Variants in SCMH1 observed in about 807,000 individuals in gnomAD.
SCMH1 encodes the protein Scm polycomb group protein homolog 1, also known as polycomb protein SCMH1.
In SCMH1, 37 loss-of-function variants were observed where a neutral mutation model predicts 70.8. The observed-to-expected ratio is 0.52, with a 90% CI of 0.40 to 0.69. SCMH1 has a LOEUF of 0.69. SCMH1 is among the 30% of genes least tolerant of loss of function. The pLI, the probability that SCMH1 is intolerant of heterozygous loss-of-function variation, is 0.00. For missense variants in SCMH1, 607 were observed against 827.3 expected (o/e 0.73, Z 3.27); for synonymous variants, 292 against 307.4 (o/e 0.95, Z 0.52).
chr1:41,069,259 G>A (rs2148866201), intron 10 of SCMH1, among the ~76,000 whole-genome samples: 3 of 152,236 alleles, frequency 2.0e-5, no homozygotes, highest in Admixed American at 2.0e-4. Flanking sequence ...ATGTGTGGGT[G>A]GATAAGGGGC....
chr1:41,074,352 C>T (rs1657517036), intron 9 of SCMH1, among the ~76,000 whole-genome samples: 1 of 152,088 alleles, frequency 6.6e-6, no homozygotes, highest in Non-Finnish European at 1.5e-5. Flanking sequence ...TTAGAAAAAT[C>T]ATTTTACATC....
chr1:41,202,333 CTTT>C (rs111943685), intron 1 of SCMH1, among the ~76,000 whole-genome samples: 1 of 144,996 alleles, frequency 6.9e-6, no homozygotes, highest in Non-Finnish European at 1.5e-5. Flanking sequence ...CGTGCCCAGC[CTTT>C]TTTTTTTTTC....
At chr1:41,211,987 CG>C (rs1657132651) in intron 1 of SCMH1, among the ~76,000 whole-genome samples, 1 of 151,956 alleles carries the variant, frequency 6.6e-6, no homozygotes, top group Non-Finnish European at 1.5e-5. Context: ...GGATACAGGG[CG>C]GGGAACATGA....
At chr1:41,197,622 G>A (rs1653337171) in intron 1 of SCMH1, among the ~76,000 whole-genome samples, 1 of 152,008 alleles carries the variant, frequency 6.6e-6, no homozygotes, top group Non-Finnish European at 1.5e-5. Flanking sequence ...TAATGGTGCA[G>A]GCTACACACA....
At chr1:41,157,409 AG>A (rs1464024281) in intron 4 of SCMH1, among the ~76,000 whole-genome samples, 3 of 152,158 alleles carry the variant, frequency 2.0e-5, no homozygotes, top group African/African-American at 7.2e-5. Context: ...CATAGATTCT[AG>A]GAGTTCTTTG....
At chr1:41,139,283 G>T (rs763941429) in intron 6 of SCMH1, among the ~76,000 whole-genome samples, 1 of 152,032 alleles carries the variant, frequency 6.6e-6, no homozygotes, top group African/African-American at 2.4e-5. Context: ...GCTCTGTTAG[G>T]CCCCCATTGT....
At chr1:41,159,822 G>A in intron 4 of SCMH1, 1 of 1,455,184 alleles carries the variant, frequency 6.9e-7, no homozygotes, top group East Asian at 2.6e-5. Flanking sequence ...TAAAGTCTGA[G>A]TATAGCCGCT....
rs560744181 is a variant in SCMH1 at position 41,164,508 on chromosome 1, T to G, written c.14-3076A>C. Among the ~76,000 whole-genome samples the G allele has an allele frequency of 2.6e-5, 4 of 152,310 alleles. No individual in the cohort carries two copies. The South Asian group carries it at 8.3e-4, about 32-fold the overall frequency. ...GACCCTTCCACTTATTTCACGACGG[T>G]AGAGACTTGATCTTGTTTAGTGGTG... On this transcript the variant is annotated intron_variant, in intron 2 of 14. Transcript: ENST00000337495.
intron 8 of SCMH1, among the ~76,000 whole-genome samples, chr1:41,107,285 C>T (rs963657248): frequency 4.0e-5 from 6 of 151,848 alleles, no homozygotes; most frequent in Admixed American, 3.9e-4. Context: ...TTTATTCCTC[C>T]AAAGTCGTAC....
intron 5 of SCMH1, among the ~76,000 whole-genome samples, chr1:41,150,608 G>T (rs1353260780): frequency 6.6e-6 from 1 of 152,096 alleles, no homozygotes; most frequent in Admixed American, 6.5e-5. Context: ...CAAATGAGCA[G>T]AAGTCCTGAA....
At chr1:41,058,104 G>C (rs1244216330) in intron 10 of SCMH1, among the ~76,000 whole-genome samples, 1 of 141,184 alleles carries the variant, frequency 7.1e-6, no homozygotes, top group African/African-American at 2.6e-5. Flanking sequence ...CTGAGAGACA[G>C]AGGGAGATTG....
At chr1:41,110,938 A>T (rs11805536) in intron 8 of SCMH1, among the ~76,000 whole-genome samples, 2 of 152,144 alleles carry the variant, frequency 1.3e-5, no homozygotes, top group African/African-American at 4.8e-5. Context: ...CCACATTCTC[A>T]GCAACATTTG....
intron 2 of SCMH1, among the ~76,000 whole-genome samples, chr1:41,176,188 A>C (rs576619589): frequency 4.9e-5 from 6 of 123,114 alleles, no homozygotes; most frequent in Admixed American, 9.5e-5. Flanking sequence ...ACCAAAAAAA[A>C]CAAAAAAAAA....
At chr1:41,187,459 CAAAA>C (rs34070758) in intron 1 of SCMH1, among the ~76,000 whole-genome samples, 5 of 128,836 alleles carry the variant, frequency 3.9e-5, no homozygotes, top group East Asian at 2.3e-4. Flanking sequence ...GAGACTTGGT[CAAAA>C]AAAAAAAAAA....
rs866454210 is a variant in SCMH1, at chr1:41,030,645, T to A, written c.1679-1919A>T. The stretch of plus-strand genomic sequence containing the variant: ...CAATTCCCCGCACAGTTCTCTACAA[T>A]CCAATTACCCTAGTTTCCCCCTACC... On this transcript the variant is annotated intron_variant, in intron 13 of 14. Transcript: ENST00000337495. 2.6e-5 allele frequency among the ~76,000 whole-genome samples: 4 copies of A among 152,230 alleles called. No individual in the cohort carries two copies. The South Asian group carries it at 6.2e-4, about 24-fold the overall frequency.
chr1:41,035,568 A>G (rs1242661061), intron 13 of SCMH1, among the ~76,000 whole-genome samples: 7 of 151,994 alleles, frequency 4.6e-5, no homozygotes, highest in African/African-American at 1.7e-4. Context: ...TGATGGACAC[A>G]CTCAATCTTC....
rs1043559667 is a variant in SCMH1, at chr1:41,242,071, CG to C, written c.-131del. On this transcript the variant is annotated 5_prime_UTR_variant, in exon 1 of 15. Coordinates refer to ENST00000337495, the Ensembl canonical transcript of SCMH1. This position sits in a 1 kb window ranked among gnomAD's most constrained non-coding sequence, Gnocchi z 5.2. ...GCGAGGCGCTTACCTGAGGGCGCGG[CG>C]GGGGCGCGGGGCGGCTCACTCTCTT... The C allele has an allele frequency of 4.0e-5, 6 of 150,364 alleles. No individual in the cohort carries two copies. The highest frequency in any genetic ancestry group is 8.9e-5 in the Non-Finnish European group (6 of 67,146). The allele number at this position is 150,364 out of a possible 1,614,324, so 9.3% of individuals were successfully genotyped here.
At chr1:41,147,843 C>T (rs1226639295) in intron 5 of SCMH1, among the ~76,000 whole-genome samples, 1 of 152,052 alleles carries the variant, frequency 6.6e-6, no homozygotes, top group Non-Finnish European at 1.5e-5. Flanking sequence ...GGTACATCAT[C>T]TTCATACATT....
intron 1 of SCMH1, among the ~76,000 whole-genome samples, chr1:41,228,020 A>C (rs1428512946): frequency 6.6e-6 from 1 of 152,156 alleles, no homozygotes; most frequent in Non-Finnish European, 1.5e-5. Flanking sequence ...AAGGAGGCAG[A>C]TTTATTAGAG....
Sources: allele counts gnomAD v4.1 joint callset (sites outside exome capture counted in the v4.1 genomes callset), GRCh38; gene constraint gnomAD v4.1.1; non-coding constraint Gnocchi (gnomAD v3.1); transcripts MANE v1.5; gene names NCBI Gene and HGNC (gene_info 2026-07-23, HGNC 2026-07-21).